TOPAZ1: variants seen among roughly 807,000 people sequenced by gnomAD.
The protein encoded by TOPAZ1 is testis and ovary specific TOPAZ 1.
TOPAZ1 carries 66 observed loss-of-function variants against 172.2 expected under a neutral mutation model. The ratio of observed to expected loss-of-function variants is 0.38; its 90% CI spans 0.31 to 0.47. The LOEUF (loss-of-function observed/expected upper bound fraction) is 0.47. Among genes scored for constraint, TOPAZ1 ranks in the 20% least tolerant of loss-of-function variants. The pLI is 0.99. For missense variants in TOPAZ1, 1,822 were observed against 1,972.4 expected (o/e 0.92, Z 1.44); for synonymous variants, 681 against 683.9 (o/e 1.00, Z 0.07).
At chr3:44,324,786 C>T (rs1700580347) in intron 18 of TOPAZ1, among the ~76,000 whole-genome samples, 1 of 152,112 alleles carries the variant, frequency 6.6e-6, no homozygotes, top group South Asian at 2.1e-4. Context: ...CAGAAAGAAA[C>T]CTCATATGCA....
intron 2 of TOPAZ1, among the ~76,000 whole-genome samples, chr3:44,249,093 T>G (rs9842445): frequency 0.48 from 72,588 of 151,980 alleles, 18,221 homozygotes; most frequent in East Asian, 0.81. Context: ...ATCTGAGGAT[T>G]TCCATAATAG....
rs1700502831 is a variant in TOPAZ1 at position 44,321,187 on chromosome 3, C to T, written c.4467C>T (p.Ser1489=). ...VLQNLPGFQN[S]QETVEVSQYS... is the part of the protein sequence containing the mutation. ...AGAATCTACCAGGTTTTCAAAATTC[C>T]CAAGGTATGTTTTTTAAAAGTCTAT... Residue 1489 remains serine, a synonymous_variant, in exon 17 of 20, where the codon TCC becomes TCT. Coordinates refer to ENST00000309765, the MANE Select transcript of TOPAZ1 (RefSeq NM_001145030.2). 2.0e-6 allele frequency: 3 copies of T among 1,537,048 alleles called. No homozygotes were observed. The African/African-American group carries it at 4.2e-5, about 21-fold the overall frequency.
intron 8 of TOPAZ1, among the ~76,000 whole-genome samples, chr3:44,277,008 G>C (rs1398488480): frequency 6.6e-6 from 1 of 151,998 alleles, no homozygotes; most frequent in African/African-American, 2.4e-5. Flanking sequence ...GGCCAGGATG[G>C]TCTCGCTCTC....
At chr3:44,335,329 T>G (rs986348400), downstream of TOPAZ1, among the ~76,000 whole-genome samples, 3 of 152,046 alleles carry the variant, frequency 2.0e-5, no homozygotes, top group Non-Finnish European at 4.4e-5. Flanking sequence ...AGTTTTTTTT[T>G]AAATATGCTA....
chr3:44,279,499 A>G (rs1441818541), intron 8 of TOPAZ1, among the ~76,000 whole-genome samples: 1 of 152,142 alleles, frequency 6.6e-6, no homozygotes, highest in Non-Finnish European at 1.5e-5. Flanking sequence ...TTGGTGCTGC[A>G]TTGATAGATG....
intron 4 of TOPAZ1, among the ~76,000 whole-genome samples, chr3:44,256,740 A>T (rs1471621196): frequency 6.6e-6 from 1 of 152,200 alleles, no homozygotes; most frequent in Non-Finnish European, 1.5e-5. Context: ...GGTAGGCTTC[A>T]AAGTACTAAC....
chr3:44,243,880 T>C lies in TOPAZ1; in HGVS notation c.1374T>C (p.Asn458=). The change falls in exon 2 of 20, where the codon AAT becomes AAC. Residue 458 remains asparagine (N), a synonymous_variant. Coordinates refer to ENST00000309765, the MANE Select transcript of TOPAZ1 (RefSeq NM_001145030.2). Reference sequence around the variant, plus strand: ...AAAGCTTCATAGGGAAATCACCTAATGAGTACCATATTGAAAGGAGATCTT... The same window carrying C: ...AAAGCTTCATAGGGAAATCACCTAACGAGTACCATATTGAAAGGAGATCTT... The part of the protein sequence containing the change: ...SMKSFIGKSP[N]EYHIERRSSR... 1 of 1,551,650 alleles carries C rather than the reference T, an allele frequency of 6.4e-7. No individual in the cohort carries two copies. The highest frequency in any genetic ancestry group is 2.4e-5 in the East Asian group (1 of 40,852).
intron 16 of TOPAZ1, among the ~76,000 whole-genome samples, chr3:44,318,171 GGC>G (rs1700470873): frequency 6.6e-6 from 1 of 152,176 alleles, no homozygotes; most frequent in Non-Finnish European, 1.5e-5. Context: ...CTGAGGGGCG[GGC>G]ATGGTGGCTC....
At chr3:44,301,877 A>G (rs1472169145) in intron 12 of TOPAZ1, among the ~76,000 whole-genome samples, 1 of 151,878 alleles carries the variant, frequency 6.6e-6, no homozygotes, top group African/African-American at 2.4e-5. Context: ...TTATATTTCA[A>G]TCTTTTTTCT....
At chr3:44,242,504 A>G in intron 1 of TOPAZ1, 105 bp downstream of exon 1, 1 of 1,210,570 alleles carries the variant, frequency 8.3e-7, no homozygotes, top group Non-Finnish European at 1.2e-6. Context: ...GTTATTTCTG[A>G]TGCACATAGT....
intron 16 of TOPAZ1, among the ~76,000 whole-genome samples, chr3:44,317,441 A>G (rs1014122722): frequency 1.3e-5 from 2 of 152,160 alleles, no homozygotes; most frequent in African/African-American, 2.4e-5. Context: ...ATAAAAATAA[A>G]TGTATACCTT....
At chr3:44,331,471 G>A (rs960530830) in intron 19 of TOPAZ1, among the ~76,000 whole-genome samples, 7 of 151,976 alleles carry the variant, frequency 4.6e-5, no homozygotes, top group Admixed American at 2.6e-4. Flanking sequence ...GACTACAGGC[G>A]CACATCACCA....
chr3:44,242,173 CG>C lies in TOPAZ1; in HGVS notation c.126del (p.Cys43AlafsTer47). The C allele has an allele frequency of 1.3e-6, 2 of 1,540,780 alleles. No individual in the cohort carries two copies. The highest frequency in any genetic ancestry group is 1.2e-5 in the South Asian group (1 of 82,982). ...GAAGGCGPEA[G>X]GCRENKQKRR... is the part of the protein sequence containing the mutation. Reference sequence around the variant, plus strand: ...CGGCGGGAGGCTGTGGCCCTGAGGCCGGGGGGTGCCGGGAAAATAAGCAAAA... The same window carrying C: ...CGGCGGGAGGCTGTGGCCCTGAGGCCGGGGGTGCCGGGAAAATAAGCAAAA... On this transcript the variant is annotated frameshift_variant, in exon 1 of 20. Coordinates refer to ENST00000309765, the MANE Select transcript of TOPAZ1 (RefSeq NM_001145030.2). LOFTEE classifies it high-confidence loss of function.
chr3:44,326,255 A>G (rs963598619), intron 18 of TOPAZ1, among the ~76,000 whole-genome samples: 1 of 152,140 alleles, frequency 6.6e-6, no homozygotes, highest in African/African-American at 2.4e-5. Context: ...ATCATTTTAT[A>G]TTTATATTCC....
chr3:44,265,052 T>C (rs1038279368), intron 5 of TOPAZ1, among the ~76,000 whole-genome samples: 1 of 152,234 alleles, frequency 6.6e-6, no homozygotes, highest in African/African-American at 2.4e-5. Context: ...GTTGATATGT[T>C]GACCTTCTCT....
chr3:44,280,272 T>C (rs1559535475), intron 8 of TOPAZ1, among the ~76,000 whole-genome samples: 1 of 151,688 alleles, frequency 6.6e-6, no homozygotes, highest in African/African-American at 2.4e-5. Context: ...ATGCTTTTTT[T>C]TTTCCTTTCC....
intron 11 of TOPAZ1, among the ~76,000 whole-genome samples, chr3:44,289,067 T>C (rs1700108234): frequency 6.6e-6 from 1 of 152,238 alleles, no homozygotes; most frequent in Admixed American, 6.5e-5. Context: ...TGCCTTAGAT[T>C]GTTACCTAGT....
intron 9 of TOPAZ1, among the ~76,000 whole-genome samples, chr3:44,284,860 A>C (rs1434822878): frequency 6.6e-6 from 1 of 152,236 alleles, no homozygotes; most frequent in East Asian, 1.9e-4. Context: ...TAAAGTAATC[A>C]AAGGGAGTAT....
intron 18 of TOPAZ1, 135 bp downstream of exon 18, chr3:44,323,430 C>T: frequency 2.0e-6 from 1 of 494,178 alleles, no homozygotes; most frequent in Non-Finnish European, 3.4e-6. Context: ...GTGGTCTCAA[C>T]AGATCTGTGC....
Sources: gnomAD v4.1 joint callset for allele counts (sites outside exome capture counted in the v4.1 genomes callset) on GRCh38, gnomAD v4.1.1 for gene constraint, MANE v1.5 for transcripts, NCBI Gene and HGNC (gene_info 2026-07-23, HGNC 2026-07-21) for gene names.